Variants in TTC23 observed in about 807,000 individuals in gnomAD.
TTC23 encodes the protein tetratricopeptide repeat protein 23.
TTC23 carries 58 observed loss-of-function variants against 55.1 expected under a neutral mutation model. That is an observed-to-expected ratio of 1.05 (90% CI 0.85 to 1.31). TTC23 has a LOEUF of 1.31. Among genes scored for constraint, TTC23 ranks in the 50% most tolerant of loss-of-function variants. The pLI is 0.00. For synonymous variants in TTC23, 203 were observed against 199.9 expected (o/e 1.02, Z -0.13); for missense variants, 516 against 534.4 (o/e 0.97, Z 0.34).
chr15:99,247,376 A>T (rs1368043587), intron 1 of TTC23, among the ~76,000 whole-genome samples: 1 of 152,238 alleles, frequency 6.6e-6, no homozygotes, highest in East Asian at 1.9e-4. Context: ...TCTTCATAGC[A>T]GCATTATTCA....
intron 12 of TTC23, among the ~76,000 whole-genome samples, chr15:99,147,225 CTTT>C (rs58503901): frequency 0.3 from 33,343 of 111,770 alleles, 5,012 homozygotes; most frequent in African/African-American, 0.49. Flanking sequence ...AAATTCATTC[CTTT>C]TTTTTTTTTT....
chr15:99,226,676 T>C (rs761192758), intron 5 of TTC23, among the ~76,000 whole-genome samples: 1 of 152,144 alleles, frequency 6.6e-6, no homozygotes, highest in Non-Finnish European at 1.5e-5. Flanking sequence ...TGCTTGTGCC[T>C]ACCCTGTAGA....
rs375107513 is a variant in TTC23 at position 99,139,349 on chromosome 15, C to T, written c.1194G>A (p.Leu398=). 5 of 1,613,862 alleles carry T rather than the reference C, an allele frequency of 3.1e-6. No individual in the cohort carries two copies. The African/African-American group carries it at 6.7e-5, about 22-fold the overall frequency. Reference sequence around the variant, plus strand: ...GCATGCCCATGGCCTGCTGGGTGGCCAGAGTCCTTTTGTCCTGCGGTCCAT... The same window carrying T: ...GCATGCCCATGGCCTGCTGGGTGGCTAGAGTCCTTTTGTCCTGCGGTCCAT... ...LLYGPQDKRT[L]ATQQAMGMLS... The change falls in exon 13 of 14, where the codon CTG becomes CTA. Residue 398 remains leucine, a synonymous_variant. Transcript: ENST00000394132.
chr15:99,205,170 T>A (rs1344381043), intron 8 of TTC23, among the ~76,000 whole-genome samples: 2 of 152,230 alleles, frequency 1.3e-5, no homozygotes, highest in East Asian at 3.8e-4. Context: ...TCTATTTTTA[T>A]GCCAGTATCA....
At chr15:99,190,267 TTTG>T (rs2075125929) in intron 9 of TTC23, among the ~76,000 whole-genome samples, 3 of 150,694 alleles carry the variant, frequency 2.0e-5, no homozygotes, top group South Asian at 4.2e-4. Context: ...GTTTTTTTTT[TTTG>T]TTTGTTTTTG....
In TTC23 at chr15:99,139,344, G is replaced by A. The variant is rs1555488896; in HGVS notation, c.1199C>T (p.Thr400Ile). 6.2e-7 allele frequency: 1 copy of A among 1,613,778 alleles called. No individual in the cohort carries two copies. The highest frequency in any genetic ancestry group is 8.5e-7 in the Non-Finnish European group (1 of 1,180,032). ...YGPQDKRTLATQQAMGMLSTA... is the reference protein window; with the variant it reads ...YGPQDKRTLAIQQAMGMLSTA... ...GGACAGCATGCCCATGGCCTGCTGG[G>A]TGGCCAGAGTCCTTTTGTCCTGCGG... Residue 400 changes from threonine to isoleucine, a missense_variant, in exon 13 of 14, where the codon ACC (threonine) becomes ATC (isoleucine). Coordinates refer to ENST00000394132, the MANE Select transcript of TTC23 (RefSeq NM_001288615.3).
chr15:99,157,958 G>A (rs1379059582), intron 11 of TTC23: 1 of 152,236 alleles, frequency 6.6e-6, no homozygotes, highest in Non-Finnish European at 1.5e-5. Context: ...GCTTCCTCAT[G>A]ACACAGCCCC....
intron 5 of TTC23, among the ~76,000 whole-genome samples, chr15:99,223,528 T>C (rs1271048029): frequency 2.0e-5 from 3 of 152,198 alleles, no homozygotes; most frequent in Non-Finnish European, 4.4e-5. Flanking sequence ...ACCTTGGTCT[T>C]GGACTTCCAG....
chr15:99,200,265 A>G (rs2076092337), intron 8 of TTC23, among the ~76,000 whole-genome samples, 169 bp from the exon 9 acceptor site: 1 of 152,170 alleles, frequency 6.6e-6, no homozygotes, highest in South Asian at 2.1e-4. Context: ...GGTTAAGAAG[A>G]TGGGTTCTGG....
intron 1 of TTC23, among the ~76,000 whole-genome samples, chr15:99,246,434 T>C (rs1416466533): frequency 1.3e-5 from 2 of 151,858 alleles, no homozygotes; most frequent in Non-Finnish European, 2.9e-5. Context: ...GCCAACATGG[T>C]GAAACCCTGT....
chr15:99,143,004 C>T (rs929143520), intron 12 of TTC23, among the ~76,000 whole-genome samples: 8 of 152,128 alleles, frequency 5.3e-5, no homozygotes, highest in Non-Finnish European at 7.3e-5. Context: ...GGTTACTTAT[C>T]CTTACTAAGG....
chr15:99,217,446 T>C (rs956965203), intron 8 of TTC23, among the ~76,000 whole-genome samples: 44 of 152,186 alleles, frequency 2.9e-4, no homozygotes, highest in Non-Finnish European at 4.9e-4. Context: ...CATGAGCCAC[T>C]GTGCCCGGCC....
At chr15:99,209,116 C>T (rs902692779) in intron 8 of TTC23, among the ~76,000 whole-genome samples, 3 of 152,202 alleles carry the variant, frequency 2.0e-5, no homozygotes, top group Non-Finnish European at 4.4e-5. Context: ...AGAGGAGACA[C>T]TATCTCATTG....
At chr15:99,166,652 C>T (rs2072142486) in intron 10 of TTC23, among the ~76,000 whole-genome samples, 1 of 152,216 alleles carries the variant, frequency 6.6e-6, no homozygotes, top group Non-Finnish European at 1.5e-5. Context: ...GGGAATCTGC[C>T]TTCTGGGGGC....
intron 9 of TTC23, among the ~76,000 whole-genome samples, chr15:99,194,871 G>A (rs562785466): frequency 6.6e-6 from 1 of 152,320 alleles, no homozygotes; most frequent in East Asian, 1.9e-4. Context: ...GGAGGCAGAG[G>A]TTGGTGAGAC....
chr15:99,138,625 T>TA (rs782018263), intron 13 of TTC23, among the ~76,000 whole-genome samples: 28 of 152,222 alleles, frequency 1.8e-4, no homozygotes, highest in Non-Finnish European at 5.9e-5. Flanking sequence ...TCCCATCTTT[T>TA]AAAATCACCT....
chr15:99,228,904 C>T (rs2078691132), intron 4 of TTC23, among the ~76,000 whole-genome samples, 172 bp from the exon 5 acceptor site: 1 of 147,286 alleles, frequency 6.8e-6, no homozygotes, highest in Admixed American at 6.9e-5. Context: ...CTAAATTAAA[C>T]CTTCTTTCTT....
At chr15:99,216,682 C>T (rs1053577475) in intron 8 of TTC23, among the ~76,000 whole-genome samples, 2 of 152,146 alleles carry the variant, frequency 1.3e-5, no homozygotes, top group Admixed American at 6.5e-5. Flanking sequence ...TTAGATAGCA[C>T]GTTATATGCA....
chr15:99,214,239 G>A (rs1436417194), intron 8 of TTC23, among the ~76,000 whole-genome samples: 1 of 152,020 alleles, frequency 6.6e-6, no homozygotes, highest in Non-Finnish European at 1.5e-5. Flanking sequence ...CGGGTGCGGT[G>A]GCTCACGCCT....
Sources: gnomAD v4.1 joint callset for allele counts (sites outside exome capture counted in the v4.1 genomes callset) on GRCh38, gnomAD v4.1.1 for gene constraint, MANE v1.5 for transcripts, NCBI Gene and HGNC (gene_info 2026-07-23, HGNC 2026-07-21) for gene names.